Variants in LCMT1 observed in about 807,000 individuals in gnomAD.
LCMT1 encodes leucine carboxyl methyltransferase 1, also known as [Phosphatase 2A protein]-leucine-carboxy methyltransferase 1.
LCMT1 carries 32 observed loss-of-function variants against 47.7 expected under a neutral mutation model. That is an observed-to-expected ratio of 0.67 (90% CI 0.51 to 0.90). The LOEUF (loss-of-function observed/expected upper bound fraction) is 0.90, where lower values mean the gene tolerates loss of function less well. Among genes scored for constraint, LCMT1 ranks in the 40% least tolerant of loss-of-function variants. LCMT1 has a pLI of 0.00. For synonymous variants in LCMT1, 152 were observed against 149.7 expected (o/e 1.02, Z -0.11); for missense variants, 375 against 415.2 (o/e 0.90, Z 0.84).
At chr16:25,151,667 C>A in intron 5 of LCMT1, 52 bp downstream of exon 5, 1 of 1,434,900 alleles carries the variant, frequency 7.0e-7, no homozygotes, top group Non-Finnish European at 9.7e-7. Context: ...TTGCTTCCCA[C>A]CCCCTTTTTG....
chr16:25,118,019 G>A (rs138602659), intron 1 of LCMT1, among the ~76,000 whole-genome samples: 29 of 152,104 alleles, frequency 1.9e-4, no homozygotes, highest in African/African-American at 5.8e-4. Flanking sequence ...TGTTTCTGCC[G>A]TCTGTGATCT....
intron 2 of LCMT1, among the ~76,000 whole-genome samples, chr16:25,129,804 T>C (rs1016505379): frequency 1.3e-5 from 2 of 152,228 alleles, no homozygotes; most frequent in African/African-American, 2.4e-5. Context: ...TGAGCATATC[T>C]TAGTTTTCAC....
Position 25,132,495 on chromosome 16 carries a change from G to A in LCMT1, c.299G>A (p.Gly100Asp). 1 of 1,613,802 alleles carries A rather than the reference G, an allele frequency of 6.2e-7. No homozygotes were observed. The change falls in exon 3 of 11, where the codon GGC (glycine) becomes GAC (aspartate). Residue 100 changes from glycine (G) to aspartate (D), a missense_variant. Physicochemically the swap from Gly to Asp is moderately conservative, Grantham distance 94 (BLOSUM62 -1). Coordinates refer to ENST00000399069, the MANE Select transcript of LCMT1 (RefSeq NM_016309.3). ...CHCQIVNLGA[G>D]MDTTFWRLKD... ...TGTCAAATTGTCAACCTTGGGGCAGGCATGGATACCACCTTCTGGAGATTA... is the reference window on the plus strand; with the variant it reads ...TGTCAAATTGTCAACCTTGGGGCAGACATGGATACCACCTTCTGGAGATTA...
At chr16:25,166,891 C>G (rs1358659618) in intron 7 of LCMT1, among the ~76,000 whole-genome samples, 1 of 152,178 alleles carries the variant, frequency 6.6e-6, no homozygotes, top group East Asian at 1.9e-4. Context: ...CCTCACTGGT[C>G]TTTTCTTTTG....
intron 6 of LCMT1, among the ~76,000 whole-genome samples, chr16:25,161,439 T>A (rs373391223): frequency 3.0e-4 from 46 of 151,842 alleles, no homozygotes; most frequent in African/African-American, 1.1e-3. Context: ...CACTGCAACC[T>A]CCACTTCCCA....
At chr16:25,172,335 T>C (rs1245832425) in intron 9 of LCMT1, among the ~76,000 whole-genome samples, 1 of 151,812 alleles carries the variant, frequency 6.6e-6, no homozygotes, top group Admixed American at 6.6e-5. Flanking sequence ...GGGTACATAG[T>C]ATTTATATTG....
At position 25,132,303 on chromosome 16, in the gene LCMT1, A is replaced by G. The variant is rs914382992; in HGVS notation, c.206-99A>G. ...AACCTCTGACACTGCAGAAGGGCGCATGCTCTCTGTTTTGCTCTTCTCCTG... is the reference window on the plus strand; with the variant it reads ...AACCTCTGACACTGCAGAAGGGCGCGTGCTCTCTGTTTTGCTCTTCTCCTG... On this transcript the variant is annotated intron_variant, in intron 2 of 10. Coordinates refer to ENST00000399069, the MANE Select transcript of LCMT1 (RefSeq NM_016309.3). The G allele has an allele frequency of 4.4e-5, 62 of 1,408,458 alleles. 1 individual carries two copies. Among genetic ancestry groups the G allele is most frequent in the Non-Finnish European group, 5.5e-5 (56 of 1,020,796 alleles). The allele number at this position is 1,408,458 out of a possible 1,614,324, so 87.2% of individuals were successfully genotyped here. A position where few individuals can be genotyped will look rare whatever the true frequency, so the allele number is the denominator to read the frequency against.
At chr16:25,157,719 T>G (rs528235107) in intron 5 of LCMT1, among the ~76,000 whole-genome samples, 1 of 152,246 alleles carries the variant, frequency 6.6e-6, no homozygotes, top group African/African-American at 2.4e-5. Flanking sequence ...TGGGTTGGGT[T>G]CATTCAGGTG....
At chr16:25,112,701 T>C (rs1187035662) in intron 1 of LCMT1, among the ~76,000 whole-genome samples, 1 of 152,136 alleles carries the variant, frequency 6.6e-6, no homozygotes, top group African/African-American at 2.4e-5. Context: ...AGACATGGTG[T>C]CAGACATACT....
chr16:25,116,557 A>G (rs1378458661), intron 1 of LCMT1, among the ~76,000 whole-genome samples: 1 of 152,010 alleles, frequency 6.6e-6, no homozygotes, highest in East Asian at 1.9e-4. Flanking sequence ...CCACAGCACC[A>G]GACCAGGTCC....
At chr16:25,177,538 T>C (rs3785369) in intron 10 of LCMT1, among the ~76,000 whole-genome samples, 2,242 of 152,362 alleles carry the variant, frequency 0.015, 101 homozygotes, top group Admixed American at 0.093. Context: ...ATGGCTGAAT[T>C]AATATTTCCA....
At position 25,178,054 on chromosome 16, in the gene LCMT1, C is replaced by T. The variant is rs773927286; in HGVS notation, c.*31C>T. The T allele has an allele frequency of 9.2e-5, 148 of 1,612,070 alleles. No homozygotes were observed. The highest frequency in any genetic ancestry group is 1.2e-4 in the Non-Finnish European group (139 of 1,178,958). ...CGAAGGCTTATGCCGAGCCAGAAGC[C>T]GAAGCCACTTGCCCTCCTGGAGGAG... On this transcript the variant is annotated 3_prime_UTR_variant, in exon 11 of 11. Transcript: ENST00000399069.
At chr16:25,170,544 C>G (rs577595468) in intron 8 of LCMT1, among the ~76,000 whole-genome samples, 170 bp from the exon 9 acceptor site, 1 of 151,900 alleles carries the variant, frequency 6.6e-6, no homozygotes, top group Non-Finnish European at 1.5e-5. Flanking sequence ...CGGGGAGGAT[C>G]GCTTGAGCCC....
At chr16:25,156,917 G>T (rs1961274372) in intron 5 of LCMT1, among the ~76,000 whole-genome samples, 1 of 149,514 alleles carries the variant, frequency 6.7e-6, no homozygotes, top group African/African-American at 2.5e-5. Flanking sequence ...CCGGAAATCT[G>T]CCTGAGGCTG....
intron 1 of LCMT1, among the ~76,000 whole-genome samples, chr16:25,118,217 C>T (rs1227787847): frequency 6.6e-6 from 1 of 152,080 alleles, no homozygotes; most frequent in Non-Finnish European, 1.5e-5. Flanking sequence ...GCCCAGCCTG[C>T]TCTGTGTACT....
intron 1 of LCMT1, among the ~76,000 whole-genome samples, chr16:25,116,051 A>G (rs1959773708): frequency 6.6e-6 from 1 of 152,180 alleles, no homozygotes; most frequent in South Asian, 2.1e-4. Context: ...CACCAGAAAC[A>G]CACCTGTAGT....
At chr16:25,160,831 T>C (rs1961405247) in intron 5 of LCMT1, 1 of 599,756 alleles carries the variant, frequency 1.7e-6, no homozygotes, top group Admixed American at 1.9e-5. Context: ...GATGTGTGTA[T>C]GTGTGTGCGC....
At chr16:25,140,497 A>G (rs1960652853) in intron 4 of LCMT1, 1 of 464,648 alleles carries the variant, frequency 2.2e-6, no homozygotes, top group African/African-American at 1.9e-5. Flanking sequence ...ACACGAGGCC[A>G]ACCAAATCTC....
At chr16:25,166,660 C>T (rs1028514646) in intron 7 of LCMT1, among the ~76,000 whole-genome samples, 11 of 152,072 alleles carry the variant, frequency 7.2e-5, no homozygotes, top group Non-Finnish European at 1.5e-4. Flanking sequence ...TTTATTTTAT[C>T]ACACATAAGA....
Sources: gnomAD v4.1 joint callset for allele counts (sites outside exome capture counted in the v4.1 genomes callset) on GRCh38, gnomAD v4.1.1 for gene constraint, MANE v1.5 for transcripts, NCBI Gene and HGNC (gene_info 2026-07-23, HGNC 2026-07-21) for gene names.